The following VPS13B variants were observed in gnomAD, a reference collection of about 807,000 sequenced individuals.
The protein encoded by VPS13B is vacuolar protein sorting 13 homolog B, also known as intermembrane lipid transfer protein VPS13B.
A neutral mutation model predicts 426.4 loss-of-function variants in VPS13B; 285 were observed. The ratio of observed to expected loss-of-function variants is 0.67; its 90% CI spans 0.61 to 0.74. The LOEUF (loss-of-function observed/expected upper bound fraction) is 0.74, where lower values mean the gene tolerates loss of function less well. Among genes scored for constraint, VPS13B ranks in the 30% least tolerant of loss-of-function variants. The pLI is 0.00. For synonymous variants in VPS13B, 1,676 were observed against 1,676.4 expected, an observed-to-expected ratio of 1.00 and a Z score of 0.01; for missense variants, 4,537 against 4,782.6, an observed-to-expected ratio of 0.95 and a Z score of 1.51.
intron 21 of VPS13B, among the ~76,000 whole-genome samples, chr8:99,428,125 C>G (rs1816837377): frequency 1.3e-5 from 2 of 152,122 alleles, no homozygotes; most frequent in African/African-American, 2.4e-5. Context: ...ACACCTTATA[C>G]AAAAATTAAT....
intron 39 of VPS13B, among the ~76,000 whole-genome samples, chr8:99,724,716 A>G (rs1442698485): frequency 6.6e-6 from 1 of 152,076 alleles, no homozygotes; most frequent in Non-Finnish European, 1.5e-5. Context: ...TTTTCTTATC[A>G]CACAAATGCC....
intron 35 of VPS13B, among the ~76,000 whole-genome samples, chr8:99,684,614 C>T (rs929065884): frequency 6.6e-6 from 1 of 152,132 alleles, no homozygotes; most frequent in Non-Finnish European, 1.5e-5. Flanking sequence ...CTACCTGTTA[C>T]CATATACTTT....
At chr8:99,685,750 TG>T (rs937198103) in intron 35 of VPS13B, among the ~76,000 whole-genome samples, 109 of 152,370 alleles carry the variant, frequency 7.2e-4, no homozygotes, top group African/African-American at 2.6e-3. Flanking sequence ...ATTCCTTCTC[TG>T]CATTGTTTTG....
At chr8:99,672,196 G>A (rs1203974723) in intron 35 of VPS13B, among the ~76,000 whole-genome samples, 2 of 152,066 alleles carry the variant, frequency 1.3e-5, no homozygotes, top group Non-Finnish European at 2.9e-5. Flanking sequence ...CATTGAATCT[G>A]TAGATCAATA....
chr8:99,455,164 T>TAAAAAGTCATC (rs761087883), intron 23 of VPS13B, among the ~76,000 whole-genome samples: 10 of 152,174 alleles, frequency 6.6e-5, no homozygotes, highest in Non-Finnish European at 1.5e-4. Context: ...GTGTTAGGTG[T>TAAAAAGTCATC]AAAAAGTCAT....
At chr8:99,037,910 C>T (rs1456124438) in intron 2 of VPS13B, among the ~76,000 whole-genome samples, 2 of 150,464 alleles carry the variant, frequency 1.3e-5, no homozygotes, top group Non-Finnish European at 3.0e-5. Flanking sequence ...TTGAGCTCCC[C>T]TTTCAACTTG....
intron 51 of VPS13B, among the ~76,000 whole-genome samples, chr8:99,826,173 T>C (rs1814671173): frequency 6.6e-6 from 1 of 152,194 alleles, no homozygotes; most frequent in South Asian, 2.1e-4. Context: ...TATGGCCATT[T>C]TCATGATACT....
chr8:99,313,178 G>A (rs201806689), intron 19 of VPS13B, among the ~76,000 whole-genome samples: 3 of 152,142 alleles, frequency 2.0e-5, no homozygotes, highest in African/African-American at 4.8e-5. Flanking sequence ...CGTCAAAGTC[G>A]TTCTCCATCC....
At chr8:99,175,214 C>G (rs1213861080) in intron 16 of VPS13B, among the ~76,000 whole-genome samples, 1 of 152,144 alleles carries the variant, frequency 6.6e-6, no homozygotes, top group Non-Finnish European at 1.5e-5. Context: ...TTAATGCAAG[C>G]TTTTCTAAAA....
At chr8:99,213,679 T>C (rs1334408670) in intron 17 of VPS13B, among the ~76,000 whole-genome samples, 1 of 152,228 alleles carries the variant, frequency 6.6e-6, no homozygotes, top group Admixed American at 6.5e-5. Context: ...TGCACATTTA[T>C]TCAATGTTCA....
intron 19 of VPS13B, among the ~76,000 whole-genome samples, chr8:99,369,321 A>C (rs994466488): frequency 2.6e-5 from 4 of 152,244 alleles, no homozygotes; most frequent in Non-Finnish European, 4.4e-5. Context: ...AATTATATGC[A>C]TAGGATAAAA....
intron 42 of VPS13B, among the ~76,000 whole-genome samples, chr8:99,780,950 G>C (rs777567291): frequency 6.6e-5 from 10 of 152,154 alleles, no homozygotes; most frequent in Non-Finnish European, 1.2e-4. Context: ...TTTATTGTGT[G>C]TATACTGCTC....
chr8:99,704,246 T>C (rs149623685), intron 36 of VPS13B, among the ~76,000 whole-genome samples: 3 of 152,294 alleles, frequency 2.0e-5, no homozygotes, highest in Non-Finnish European at 2.9e-5. Flanking sequence ...TTTTCACATA[T>C]ACAAAATGCC....
chr8:99,849,830 A>G (rs923588884), intron 55 of VPS13B, among the ~76,000 whole-genome samples: 1 of 152,216 alleles, frequency 6.6e-6, no homozygotes, highest in Non-Finnish European at 1.5e-5. Context: ...TTAATGGAAT[A>G]GAAAATGCAT....
rs141693643 is a variant in VPS13B, at chr8:99,746,327, G to A, written c.7051-20447G>A. ...TTTCACTTTTAGCAATGTTAAAATT[G>A]ATCAGGTAGTATTAGTCTGGCCCAT... On this transcript the variant is annotated intron_variant, in intron 39 of 61. Coordinates refer to ENST00000357162, the MANE Select transcript of VPS13B (RefSeq NM_152564.5). Among the ~76,000 whole-genome samples the A allele has an allele frequency of 1.5e-4, 23 of 152,164 alleles. No individual in the cohort carries two copies. In the East Asian group the frequency reaches 3.7e-3, roughly 24 times the overall value.
intron 54 of VPS13B, among the ~76,000 whole-genome samples, chr8:99,841,707 C>T (rs571471239): frequency 1.3e-5 from 2 of 152,332 alleles, no homozygotes; most frequent in East Asian, 3.9e-4. Context: ...ATCCTCCACA[C>T]ATCCAGTAGG....
rs192649902 is a variant in VPS13B at position 99,634,167 on chromosome 8, C to T, written c.5221-7644C>T. 5.3e-5 allele frequency among the ~76,000 whole-genome samples: 8 copies of T among 151,960 alleles called. No individual in the cohort carries two copies. The East Asian group carries it at 7.7e-4, about 15-fold the overall frequency. On this transcript the variant is annotated intron_variant, in intron 33 of 61. Coordinates refer to ENST00000357162, the MANE Select transcript of VPS13B (RefSeq NM_152564.5). ...GTCAACACTGCAGATAAAATCTCAA[C>T]AGGAAGGTTTTGAACTTACCTATGT...
chr8:99,743,362 A>G (rs1809870493), intron 39 of VPS13B, among the ~76,000 whole-genome samples: 1 of 151,982 alleles, frequency 6.6e-6, no homozygotes, highest in African/African-American at 2.4e-5. Context: ...GCTCATGGGT[A>G]GGAAGAATCA....
chr8:99,806,492 TGTTA>T (rs1225424945), intron 43 of VPS13B, among the ~76,000 whole-genome samples: 2 of 152,338 alleles, frequency 1.3e-5, no homozygotes, highest in East Asian at 3.9e-4. Context: ...GACTGCTTCA[TGTTA>T]GTTATTTGTT....
Sources: gnomAD v4.1 joint callset for allele counts (sites outside exome capture counted in the v4.1 genomes callset) on GRCh38, gnomAD v4.1.1 for gene constraint, MANE v1.5 for transcripts, NCBI Gene and HGNC (gene_info 2026-07-23, HGNC 2026-07-21) for gene names.